DDB2: variants seen among roughly 807,000 people sequenced by gnomAD.
DDB2 encodes the protein damage specific DNA binding protein 2.
DDB2 carries 27 observed loss-of-function variants against 50.5 expected under a neutral mutation model. That is an observed-to-expected ratio of 0.53 (90% confidence interval 0.39 to 0.74). DDB2 has a LOEUF of 0.74. DDB2 is among the 30% of genes least tolerant of loss of function. The pLI is 0.00. For synonymous variants in DDB2, 176 were observed against 205.5 expected, an observed-to-expected ratio of 0.86 and a Z score of 1.23; for missense variants, 424 against 545.6, an observed-to-expected ratio of 0.78 and a Z score of 2.22.
chr11:47,216,350 T>C lies in DDB2; in HGVS notation c.142T>C (p.Cys48Arg), dbSNP rs535591210. The change falls in exon 2 of 10, where the codon TGT (cysteine) becomes CGT (arginine). Residue 48 changes from cysteine (C) to arginine (R), a missense_variant. Physicochemically the swap from Cys to Arg is radical, Grantham distance 180. Coordinates refer to ENST00000256996, the MANE Select transcript of DDB2 (RefSeq NM_000107.3). ...CAKGSGPSRR[C>R]DSDCLWVGLA... ...CTGCTTGGCAGGTCCTAGCAGAAGATGTGACTCAGACTGCCTCTGGGTGGG... is the reference window on the plus strand; with the variant it reads ...CTGCTTGGCAGGTCCTAGCAGAAGACGTGACTCAGACTGCCTCTGGGTGGG... The C allele has an allele frequency of 6.2e-7, 1 of 1,614,146 alleles. No homozygotes were observed. The highest frequency in any genetic ancestry group is 1.3e-5 in the African/African-American group (1 of 75,020).
At chr11:47,231,119 C>CAAAAAAAAAAAAA (rs139290057) in intron 3 of DDB2, among the ~76,000 whole-genome samples, 10 of 58,368 alleles carry the variant, frequency 1.7e-4, no homozygotes, top group African/African-American at 3.3e-4. Context: ...GCCTTCATCT[C>CAAAAAAAAAAAAA]AAAAAAAAAA....
chr11:47,219,293 G>A (rs4647715), intron 3 of DDB2, among the ~76,000 whole-genome samples: 5 of 152,260 alleles, frequency 3.3e-5, no homozygotes, highest in South Asian at 2.1e-4. Context: ...ATTTACTTTC[G>A]TAACCATTTT....
chr11:47,238,262 C>T (rs1179560122), intron 9 of DDB2, 79 bp downstream of exon 9: 28 of 1,318,382 alleles, frequency 2.1e-5, no homozygotes, highest in Admixed American at 1.2e-4. Flanking sequence ...GCCTCAGCCC[C>T]GCCCTGCCAC....
chr11:47,237,768 ATTTG>A, intron 7 of DDB2, 65 bp from the exon 8 acceptor site: 1 of 1,501,420 alleles, frequency 6.7e-7, no homozygotes, highest in Non-Finnish European at 9.3e-7. Context: ...CTTTGTTCAT[ATTTG>A]TTTTTGATGT....
In DDB2 at chr11:47,238,956, G is replaced by C; in HGVS notation, c.*107G>C. The C allele has an allele frequency of 1.6e-6, 2 of 1,235,984 alleles. No homozygotes were observed. The highest frequency in any genetic ancestry group is 2.5e-5 in the South Asian group (2 of 80,028). 76.6% of individuals were successfully genotyped at this position (1,235,984 alleles called of 1,614,324 possible). ...TGTTAAAGGGCCAAAAGTATCCAAGGTTAGGGTTGGAGCAGGGGTGCTGGG... is the reference window on the plus strand; with the variant it reads ...TGTTAAAGGGCCAAAAGTATCCAAGCTTAGGGTTGGAGCAGGGGTGCTGGG... On this transcript the variant is annotated 3_prime_UTR_variant, in exon 10 of 10. Coordinates refer to ENST00000256996, the MANE Select transcript of DDB2 (RefSeq NM_000107.3).
At chr11:47,228,164 T>C (rs1953587082) in intron 3 of DDB2, among the ~76,000 whole-genome samples, 1 of 148,250 alleles carries the variant, frequency 6.7e-6, no homozygotes, top group African/African-American at 2.5e-5. Context: ...AAAAAAAGAT[T>C]ATGCTGATTT....
Position 47,238,840 on chromosome 11 carries a change from A to G in DDB2, c.1275A>G (p.Thr425=). Residue 425 remains threonine (T), a synonymous_variant, in exon 10 of 10, where the codon ACA becomes ACG. Transcript: ENST00000256996. ...TCTGGAGCCAGGAGGAAGCCAGGAC[A>G]CGGAAGTGAGAGACACTAAAGAAGG... The part of the protein sequence containing the change: ...ILIWSQEEAR[T]RK The G allele has an allele frequency of 1.2e-6, 2 of 1,613,632 alleles. No homozygotes were observed. Among genetic ancestry groups the G allele is most frequent in the Non-Finnish European group, 1.7e-6 (2 of 1,179,898 alleles).
chr11:47,220,930 C>T (rs189255733), intron 3 of DDB2, among the ~76,000 whole-genome samples: 6 of 152,214 alleles, frequency 3.9e-5, no homozygotes, highest in African/African-American at 1.4e-4. Context: ...GAGGCCGAGG[C>T]GGGTGGATCA....
chr11:47,230,811 G>A (rs1690641522), intron 3 of DDB2, among the ~76,000 whole-genome samples: 1 of 152,122 alleles, frequency 6.6e-6, no homozygotes, highest in South Asian at 2.1e-4. Context: ...TTACATCTTG[G>A]GGATGTAAAG....
chr11:47,238,572 G>C (rs528355344), intron 9 of DDB2, among the ~76,000 whole-genome samples: 51 of 152,124 alleles, frequency 3.4e-4, no homozygotes, highest in South Asian at 1.2e-3. Context: ...CTAATTTTTT[G>C]TATTTTTAGT....
intron 3 of DDB2, 48 bp downstream of exon 3, chr11:47,217,097 T>C (rs1565150552): frequency 6.4e-7 from 1 of 1,551,502 alleles, no homozygotes; most frequent in Admixed American, 1.7e-5. Flanking sequence ...GTTTGTTGGC[T>C]GGGTGCAGTG....
intron 3 of DDB2, among the ~76,000 whole-genome samples, chr11:47,227,912 G>T (rs2596398): frequency 1.4e-4 from 22 of 151,740 alleles, no homozygotes; most frequent in Admixed American, 5.9e-4. Context: ...GAGGCCGAGG[G>T]GGTCGGATTA....
At position 47,235,421 on chromosome 11, in the gene DDB2, C is replaced by T. The variant is rs372842821; in HGVS notation, c.1023+9C>T. On this transcript the variant is annotated intron_variant, in intron 7 of 9. Coordinates refer to ENST00000256996, the MANE Select transcript of DDB2 (RefSeq NM_000107.3). ...ACCTCACACCCATCAAGGTGAGTGG[C>T]GGTGGGAAGGAGCTCGCAGAAGGAG... is the stretch of plus-strand genomic sequence containing the variant. The T allele has an allele frequency of 2.4e-5, 39 of 1,610,370 alleles. No homozygotes were observed. Among genetic ancestry groups the T allele is most frequent in the African/African-American group, 9.3e-5 (7 of 74,900 alleles).
intron 3 of DDB2, among the ~76,000 whole-genome samples, chr11:47,223,730 C>T (rs532175283): frequency 8.4e-4 from 128 of 152,064 alleles, no homozygotes; most frequent in South Asian, 1.2e-3. Context: ...GGCAGTGAGC[C>T]GAGATCGGCC....
In DDB2 at chr11:47,216,361, C is replaced by T; in HGVS notation, c.153C>T (p.Asp51=). Residue 51 remains aspartate, a synonymous_variant, in exon 2 of 10, where the codon GAC becomes GAT. Transcript: ENST00000256996. ...GTCCTAGCAGAAGATGTGACTCAGA[C>T]TGCCTCTGGGTGGGGCTGGCTGGCC... is the stretch of plus-strand genomic sequence containing the variant. The part of the protein sequence containing the change: ...GSGPSRRCDS[D]CLWVGLAGPQ... 6.2e-7 allele frequency: 1 copy of T among 1,614,196 alleles called. No individual in the cohort carries two copies. Among genetic ancestry groups the T allele is most frequent in the Non-Finnish European group, 8.5e-7 (1 of 1,180,036 alleles).
At chr11:47,226,589 T>A (rs1953560557) in intron 3 of DDB2, among the ~76,000 whole-genome samples, 1 of 152,086 alleles carries the variant, frequency 6.6e-6, no homozygotes, top group Non-Finnish European at 1.5e-5. Context: ...GTTTTTTTGA[T>A]AGTGGCCATC....
At chr11:47,223,897 G>A (rs1247724947) in intron 3 of DDB2, among the ~76,000 whole-genome samples, 2 of 152,144 alleles carry the variant, frequency 1.3e-5, no homozygotes, top group East Asian at 1.9e-4. Flanking sequence ...TTGAGGCCAG[G>A]ACTTTAAGAC....
At position 47,218,304 on chromosome 11, in the gene DDB2, T is replaced by C. The variant is rs188548355; in HGVS notation, c.456+1255T>C. Among the ~76,000 whole-genome samples, 17 of 152,334 alleles carry C rather than the reference T, an allele frequency of 1.1e-4. 1 individual carries two copies. Among genetic ancestry groups the C allele is most frequent in the African/African-American group, 3.1e-4 (13 of 41,580 alleles). ...CTATTCCCAGTGCCTGGAACAAAGT[T>C]TGGCCTAGAGTAGCTGCTTTATATT... On this transcript the variant is annotated intron_variant, in intron 3 of 9. Transcript: ENST00000256996.
chr11:47,231,119 C>CAAAAAAAAAAAA (rs139290057), intron 3 of DDB2, among the ~76,000 whole-genome samples: 3 of 58,374 alleles, frequency 5.1e-5, no homozygotes, highest in Admixed American at 2.4e-4. Context: ...GCCTTCATCT[C>CAAAAAAAAAAAA]AAAAAAAAAA....
Sources: gnomAD v4.1 joint callset for allele counts (sites outside exome capture counted in the v4.1 genomes callset) on GRCh38, gnomAD v4.1.1 for gene constraint, MANE v1.5 for transcripts, NCBI Gene and HGNC (gene_info 2026-07-23, HGNC 2026-07-21) for gene names.